AGPAT3: variants seen among roughly 807,000 people sequenced by gnomAD.
The protein encoded by AGPAT3 is 1-acylglycerol-3-phosphate O-acyltransferase 3.
Under a neutral mutation model 47.3 loss-of-function variants are expected in AGPAT3, and 5 were observed. The ratio of observed to expected loss-of-function variants is 0.11; its 90% CI spans 0.06 to 0.22. The LOEUF (loss-of-function observed/expected upper bound fraction) is 0.22, where lower values mean the gene tolerates loss of function less well. Among genes scored for constraint, AGPAT3 ranks in the 10% least tolerant of loss-of-function variants. AGPAT3 has a pLI of 1.00. For synonymous variants in AGPAT3, 212 were observed against 208.3 expected, an observed-to-expected ratio of 1.02 and a Z score of -0.15; for missense variants, 315 against 493.0, an observed-to-expected ratio of 0.64 and a Z score of 3.42.
chr21:43,953,311 C>G (rs563620950), intron 2 of AGPAT3, among the ~76,000 whole-genome samples: 1 of 152,148 alleles, frequency 6.6e-6, no homozygotes, highest in Admixed American at 6.5e-5. Flanking sequence ...GAAACAGGGA[C>G]GGGATGTTCG....
At chr21:43,901,963 T>C (rs2086367448) in intron 1 of AGPAT3, among the ~76,000 whole-genome samples, 1 of 152,112 alleles carries the variant, frequency 6.6e-6, no homozygotes, top group African/African-American at 2.4e-5. Context: ...GAGTAACATA[T>C]GAAACTGATT....
intron 2 of AGPAT3, among the ~76,000 whole-genome samples, chr21:43,917,501 A>G (rs1485660842): frequency 1.3e-5 from 2 of 152,230 alleles, no homozygotes; most frequent in Admixed American, 6.5e-5. Context: ...TTCTGTGACC[A>G]AAACACAGGT....
At chr21:43,881,132 GT>G (rs1412139960) in intron 1 of AGPAT3, among the ~76,000 whole-genome samples, 3 of 152,050 alleles carry the variant, frequency 2.0e-5, no homozygotes, top group African/African-American at 7.2e-5. Context: ...TTCCTTCCAA[GT>G]TTTGTGGAAG....
intron 3 of AGPAT3, among the ~76,000 whole-genome samples, chr21:43,963,249 C>T (rs990366550): frequency 6.6e-6 from 1 of 152,138 alleles, no homozygotes; most frequent in African/African-American, 2.4e-5. Flanking sequence ...TGGCCCCCAT[C>T]CCCAAAGGAG....
At chr21:43,884,780 A>C (rs2085937648) in intron 1 of AGPAT3, among the ~76,000 whole-genome samples, 1 of 150,956 alleles carries the variant, frequency 6.6e-6, no homozygotes, top group Non-Finnish European at 1.5e-5. Flanking sequence ...GGTGCTGGGT[A>C]CTGGGTGCTC....
intron 8 of AGPAT3, among the ~76,000 whole-genome samples, chr21:43,978,427 C>T (rs376547716): frequency 9.2e-5 from 14 of 152,188 alleles, no homozygotes; most frequent in Non-Finnish European, 1.6e-4. Flanking sequence ...CTCAGCCTCC[C>T]GGGTGGCTGG....
intron 2 of AGPAT3, among the ~76,000 whole-genome samples, chr21:43,949,307 C>G (rs954241468): frequency 6.6e-6 from 1 of 152,208 alleles, no homozygotes; most frequent in Non-Finnish European, 1.5e-5. Context: ...GGGTTGGGCT[C>G]AGCAACATGG....
Position 43,984,849 on chromosome 21 carries a change from G to T in AGPAT3, c.*2457G>T. The stretch of plus-strand genomic sequence containing the variant: ...CTGAGCTTAATTCAGTTGATGTTAT[G>T]TCCAAATTCAGGCTGAGTGCTCAGG... On this transcript the variant is annotated 3_prime_UTR_variant, in exon 10 of 10. Transcript: ENST00000291572. 1 of 300,318 alleles carries T rather than the reference G, an allele frequency of 3.3e-6. No homozygotes were observed. Among genetic ancestry groups the T allele is most frequent in the Non-Finnish European group, 6.6e-6 (1 of 151,018 alleles). The allele number at this position is 300,318 out of a possible 1,614,324, so 18.6% of individuals were successfully genotyped here. A position where few individuals can be genotyped will look rare whatever the true frequency, so the allele number is the denominator to read the frequency against.
chr21:43,943,418 T>C (rs2087736250), intron 2 of AGPAT3, among the ~76,000 whole-genome samples: 2 of 152,182 alleles, frequency 1.3e-5, no homozygotes, highest in Admixed American at 1.3e-4. Context: ...CCTTCCTCCC[T>C]CCTGCCGTCC....
At chr21:43,872,635 G>A (rs939257432) in intron 1 of AGPAT3, among the ~76,000 whole-genome samples, 1 of 152,178 alleles carries the variant, frequency 6.6e-6, no homozygotes, top group Non-Finnish European at 1.5e-5. Context: ...AGACATTCAC[G>A]TCATGTGGGA....
Position 43,922,199 on chromosome 21 carries a change from C to T in AGPAT3, c.-49+18180C>T, listed in dbSNP as rs911027001. Among the ~76,000 whole-genome samples the T allele has an allele frequency of 6.6e-5, 10 of 152,020 alleles. No individual in the cohort carries two copies. Among genetic ancestry groups the T allele is most frequent in the Non-Finnish European group, 8.8e-5 (6 of 68,020 alleles). ...GCTTGTGGGGGAGTCGCACAGAGCA[C>T]GTGTGTGATGCATTTATCAGGGCCT... On this transcript the variant is annotated intron_variant, in intron 2 of 9. Transcript: ENST00000291572. This position sits in a 1 kb window ranked among gnomAD's most constrained non-coding sequence, Gnocchi z 4.9.
chr21:43,939,182 G>T lies in AGPAT3; in HGVS notation c.-48-20452G>T, dbSNP rs2087559390. Among the ~76,000 whole-genome samples, 1 of 152,168 alleles carries T rather than the reference G, an allele frequency of 6.6e-6. No individual in the cohort carries two copies. Among genetic ancestry groups the T allele is most frequent in the African/African-American group, 2.4e-5 (1 of 41,432 alleles). On this transcript the variant is annotated intron_variant, in intron 2 of 9. Coordinates refer to ENST00000291572, the MANE Select transcript of AGPAT3 (RefSeq NM_020132.5). The surrounding 1 kb of genome is among the most constrained non-coding windows in gnomAD (Gnocchi z 4.4). Reference sequence around the variant, plus strand: ...GCAGTGACTTTCACTTTATCCCACTGTGGCCCCGTGACCCTGAGCGAGAAT... The same window carrying T: ...GCAGTGACTTTCACTTTATCCCACTTTGGCCCCGTGACCCTGAGCGAGAAT...
rs573262845 is a variant in AGPAT3 at position 43,959,065 on chromosome 21, G to A, written c.-48-569G>A. Among the ~76,000 whole-genome samples the A allele has an allele frequency of 1.5e-3, 213 of 139,960 alleles. 2 individuals are homozygous for A. The highest frequency in any genetic ancestry group is 4.0e-3 in the Middle Eastern group (1 of 252). 91.8% of individuals were successfully genotyped at this position (139,960 alleles called of 152,430 possible). On this transcript the variant is annotated intron_variant, in intron 2 of 9. Transcript: ENST00000291572. The stretch of plus-strand genomic sequence containing the variant: ...GTGTGTGGTTTGTGGTATGGTATGC[G>A]TGGTGTGTGTGGTTTGTGGTGTGTG...
rs115715432 is a variant in AGPAT3 at position 43,893,222 on chromosome 21, A to C, written c.-111-10735A>C. 3.3e-5 allele frequency among the ~76,000 whole-genome samples: 5 copies of C among 152,322 alleles called. No homozygotes were observed. In the South Asian group the frequency reaches 1.0e-3, roughly 32 times the overall value. ...CTTCACCTGCACTTTTATGTGAAGA[A>C]GATGTGGCTTCTTTTCTTAAATCTC... is the stretch of plus-strand genomic sequence containing the variant. On this transcript the variant is annotated intron_variant, in intron 1 of 9. Coordinates refer to ENST00000291572, the MANE Select transcript of AGPAT3 (RefSeq NM_020132.5).
chr21:43,923,377 G>T (rs1055247703), intron 2 of AGPAT3, among the ~76,000 whole-genome samples: 4 of 152,210 alleles, frequency 2.6e-5, no homozygotes, highest in East Asian at 3.8e-4. Flanking sequence ...AGGAAAGAAA[G>T]ATTTTCTCCC....
chr21:43,907,774 C>T (rs991399663), intron 2 of AGPAT3, among the ~76,000 whole-genome samples: 10 of 152,194 alleles, frequency 6.6e-5, no homozygotes, highest in East Asian at 1.9e-4. Flanking sequence ...CTTGCGTTTT[C>T]GGTTTCATCT....
intron 2 of AGPAT3, among the ~76,000 whole-genome samples, chr21:43,938,319 T>G (rs1472863314): frequency 8.6e-5 from 1 of 11,674 alleles, no homozygotes; most frequent in South Asian, 6.6e-3. Context: ...TGCAAATCTT[T>G]TTTTTTTTTT....
chr21:43,938,724 G>A (rs879887874), intron 2 of AGPAT3, among the ~76,000 whole-genome samples: 27 of 152,196 alleles, frequency 1.8e-4, no homozygotes, highest in African/African-American at 4.8e-4. Flanking sequence ...GCTGTGTAAC[G>A]AGTTACCCAC....
intron 1 of AGPAT3, among the ~76,000 whole-genome samples, chr21:43,883,625 G>T (rs1360051035): frequency 6.6e-6 from 1 of 152,090 alleles, no homozygotes; most frequent in Non-Finnish European, 1.5e-5. Context: ...ATGGAGTTTC[G>T]CTCTGTTGCC....
Sources: gnomAD v4.1 joint callset for allele counts (sites outside exome capture counted in the v4.1 genomes callset) on GRCh38, gnomAD v4.1.1 for gene constraint, Gnocchi (gnomAD v3.1) non-coding constraint, MANE v1.5 for transcripts, NCBI Gene and HGNC (gene_info 2026-07-23, HGNC 2026-07-21) for gene names.